Variants in ZDHHC23 observed in about 807,000 individuals in gnomAD.
ZDHHC23 encodes the protein palmitoyltransferase ZDHHC23.
ZDHHC23 carries 41 observed loss-of-function variants against 40.2 expected under a neutral mutation model. The ratio of observed to expected loss-of-function variants is 1.02; its 90% CI spans 0.79 to 1.32. The LOEUF is 1.32. Among genes scored for constraint, ZDHHC23 ranks in the 40% most tolerant of loss-of-function variants. The pLI, the probability that ZDHHC23 is intolerant of heterozygous loss-of-function variation, is 0.00. For missense variants in ZDHHC23, 471 were observed against 541.5 expected, an observed-to-expected ratio of 0.87 and a Z score of 1.29; for synonymous variants, 204 against 210.2, an observed-to-expected ratio of 0.97 and a Z score of 0.26.
chr3:113,950,592 T>G (rs1042441629), intron 2 of ZDHHC23, among the ~76,000 whole-genome samples: 2 of 152,176 alleles, frequency 1.3e-5, no homozygotes, highest in Admixed American at 1.3e-4. Context: ...ATAATGAACT[T>G]TGGAGGGACA....
At chr3:113,957,516 G>C in intron 4 of ZDHHC23, 1 of 371,080 alleles carries the variant, frequency 2.7e-6, no homozygotes, top group Middle Eastern at 9.9e-4. Flanking sequence ...CAGCATGTCT[G>C]TGCACTCTCG....
Position 113,948,878 on chromosome 3 carries a change from T to A in ZDHHC23, c.76T>A (p.Cys26Ser). 1 of 1,614,216 alleles carries A rather than the reference T, an allele frequency of 6.2e-7. No homozygotes were observed. ...EEPELEPLCC[C>S]EYIDRNGEKN... ...ACCTGAATTGGAGCCCCTGTGCTGC[T>A]GCGAGTACATAGATCGGAATGGGGA... is the stretch of plus-strand genomic sequence containing the variant. The change falls in exon 2 of 5, where the codon TGC becomes AGC. Residue 26 changes from cysteine to serine, a missense_variant. Physicochemically the swap from Cys to Ser is moderately radical, Grantham distance 112 (BLOSUM62 -1). This residue lies in a region of ZDHHC23 where 83 missense variants were observed against 67.8 expected (regional missense o/e 1.22). Transcript: ENST00000638807.
chr3:113,957,540 G>A (rs1262767078), intron 4 of ZDHHC23: 1 of 379,514 alleles, frequency 2.6e-6, no homozygotes, highest in Non-Finnish European at 5.2e-6. Context: ...CGGAGGCGAG[G>A]GAACCGAGGA....
the ZDHHC23 span, among the ~76,000 whole-genome samples, chr3:113,973,431 TGTTA>T: frequency 6.6e-6 from 1 of 152,140 alleles, no homozygotes; most frequent in Non-Finnish European, 1.5e-5. Context: ...TTTCTTTTTG[TGTTA>T]GTGTTTTTTT....
chr3:113,979,108 G>T, the ZDHHC23 span: 1 of 1,106,454 alleles, frequency 9.0e-7, no homozygotes, highest in Non-Finnish European at 1.3e-6. Flanking sequence ...ACACATTTAG[G>T]CAGTCGGTAG....
chr3:113,961,292 T>A lies in ZDHHC23; in HGVS notation c.*2662T>A, dbSNP rs1415374185. The A allele has an allele frequency of 6.6e-6, 1 of 151,624 alleles. No individual in the cohort carries two copies. Among genetic ancestry groups the A allele is most frequent in the African/African-American group, 2.4e-5 (1 of 40,850 alleles). 9.4% of individuals were successfully genotyped at this position (151,624 alleles called of 1,614,324 possible). On this transcript the variant is annotated 3_prime_UTR_variant, in exon 5 of 5. Transcript: ENST00000638807. ...ATACTGGATGTGGAGTTTAATAAAT[T>A]ACCTACTATCATCTGGCCACTTAGA...
intron 4 of ZDHHC23, chr3:113,957,946 G>C (rs1939387965): frequency 5.7e-5 from 23 of 403,176 alleles, no homozygotes; most frequent in South Asian, 4.4e-4. Context: ...CTTTAGCACT[G>C]TTCCTCGGCA....
chr3:113,960,354 C>T lies in ZDHHC23; in HGVS notation c.*1724C>T. ...ATGTTAGCAGACTCTGGGGTTTGTA[C>T]AGTGATGCCTTCTCCCTGGCCCAGA... On this transcript the variant is annotated 3_prime_UTR_variant, in exon 5 of 5. Transcript: ENST00000638807. 1.8e-6 allele frequency: 2 copies of T among 1,122,492 alleles called. No individual in the cohort carries two copies. The highest frequency in any genetic ancestry group is 2.2e-6 in the Non-Finnish European group (2 of 916,072). 69.5% of individuals were successfully genotyped at this position (1,122,492 alleles called of 1,614,324 possible).
At chr3:113,965,084 T>TGTGG, downstream of ZDHHC23, 1 of 829,506 alleles carries the variant, frequency 1.2e-6, no homozygotes, top group Non-Finnish European at 1.9e-6. Flanking sequence ...TATGTATGTG[T>TGTGG]GTGGGTGGGT....
rs763545318 is a variant in ZDHHC23 at position 113,957,494 on chromosome 3, C to T, written c.1041-869C>T. 399 of 359,558 alleles carry T rather than the reference C, an allele frequency of 1.1e-3. 2 individuals carry two copies. Among genetic ancestry groups the T allele is most frequent in the Admixed American group, 1.5e-3 (41 of 26,564 alleles). The allele number at this position is 359,558 out of a possible 1,614,324, so 22.3% of individuals were successfully genotyped here. ...CTCTGCTAACGCTGCAGGTGAGGCC[C>T]GTCCTGAAGCACAGCATGTCTGTGC... On this transcript the variant is annotated intron_variant, in intron 4 of 4. Transcript: ENST00000638807.
chr3:113,969,244 G>GACAA (rs1940548760), downstream of ZDHHC23, among the ~76,000 whole-genome samples: 1 of 152,176 alleles, frequency 6.6e-6, no homozygotes, highest in Admixed American at 6.5e-5. Flanking sequence ...AGGTGCAGGG[G>GACAA]ACAAACATCC....
At chr3:113,975,630 G>A in the ZDHHC23 span, among the ~76,000 whole-genome samples, 1 of 152,302 alleles carries the variant, frequency 6.6e-6, no homozygotes, top group East Asian at 1.9e-4. Context: ...AGTCTTAAGT[G>A]CTGTGAAGGA....
intron 4 of ZDHHC23, chr3:113,957,971 C>T (rs574256498): frequency 5.4e-6 from 2 of 371,178 alleles, no homozygotes; most frequent in Middle Eastern, 5.2e-4. Flanking sequence ...CCTGCAGCTT[C>T]CTAGAAGACA....
chr3:113,956,165 G>A (rs570653028), intron 3 of ZDHHC23, among the ~76,000 whole-genome samples, 174 bp from the exon 4 acceptor site: 6 of 152,206 alleles, frequency 3.9e-5, no homozygotes, highest in African/African-American at 7.2e-5. Context: ...TTGCTTAACC[G>A]GGACCCGGGA....
At chr3:113,948,432 A>C in intron 1 of ZDHHC23, 1 of 221,700 alleles carries the variant, frequency 4.5e-6, no homozygotes, top group Non-Finnish European at 9.1e-6. Flanking sequence ...TGGAGCGGAG[A>C]CCGCTCGGCC....
At chr3:113,964,805 A>T (rs1160350298), downstream of ZDHHC23, 1 of 158,016 alleles carries the variant, frequency 6.3e-6, no homozygotes, top group African/African-American at 2.4e-5. Flanking sequence ...TTAAGGTCAC[A>T]TCAGCAACTC....
Position 113,959,753 on chromosome 3 carries a change from A to C in ZDHHC23, c.*1123A>C, listed in dbSNP as rs1189629440. 2 of 1,074,740 alleles carry C rather than the reference A, an allele frequency of 1.9e-6. No homozygotes were observed. The highest frequency in any genetic ancestry group is 2.3e-6 in the Non-Finnish European group (2 of 871,538). 66.6% of individuals were successfully genotyped at this position (1,074,740 alleles called of 1,614,324 possible). ...GAGTTGAGTGACATCTTCCCACTTA[A>C]CTTGCACATTAATTCTCAATTACCC... On this transcript the variant is annotated 3_prime_UTR_variant, in exon 5 of 5. Coordinates refer to ENST00000638807, the MANE Select transcript of ZDHHC23 (RefSeq NM_001320466.2).
At chr3:113,978,909 A>G in the ZDHHC23 span, 2 of 1,614,058 alleles carry the variant, frequency 1.2e-6, no homozygotes, top group Non-Finnish European at 1.7e-6. Flanking sequence ...AATAAAATTG[A>G]TCAGCCTGGG....
chr3:113,960,940 C>G lies in ZDHHC23; in HGVS notation c.*2310C>G. 1 of 637,788 alleles carries G rather than the reference C, an allele frequency of 1.6e-6. No homozygotes were observed. Among genetic ancestry groups the G allele is most frequent in the Non-Finnish European group, 2.5e-6 (1 of 405,930 alleles). 39.5% of individuals were successfully genotyped at this position (637,788 alleles called of 1,614,324 possible). On this transcript the variant is annotated 3_prime_UTR_variant, in exon 5 of 5. Transcript: ENST00000638807. ...AAGGAGCAGCAAACAAGGGGCTAATCCATGAGCAGTGTTCTGTAGGCTCTG... is the reference window on the plus strand; with the variant it reads ...AAGGAGCAGCAAACAAGGGGCTAATGCATGAGCAGTGTTCTGTAGGCTCTG...
Sources: gnomAD v4.1 joint callset for allele counts (sites outside exome capture counted in the v4.1 genomes callset) on GRCh38, gnomAD v4.1.1 for gene constraint, gnomAD v4.1.1 regional missense constraint, MANE v1.5 for transcripts, NCBI Gene and HGNC (gene_info 2026-07-23, HGNC 2026-07-21) for gene names.